Variants in FAM53B observed in about 807,000 individuals in gnomAD.
FAM53B encodes family with sequence similarity 53 member B, also known as protein FAM53B.
A neutral mutation model predicts 32.7 loss-of-function variants in FAM53B; 12 were observed. The ratio of observed to expected loss-of-function variants is 0.37; its 90% confidence interval spans 0.24 to 0.59. The LOEUF (loss-of-function observed/expected upper bound fraction) is 0.59, where lower values mean the gene tolerates loss of function less well. FAM53B is among the 20% of genes least tolerant of loss of function. The pLI is 0.72. For synonymous variants in FAM53B, 234 were observed against 228.7 expected (o/e 1.02, Z -0.21); for missense variants, 477 against 577.7 (o/e 0.83, Z 1.79).
intron 2 of FAM53B, among the ~76,000 whole-genome samples, chr10:124,699,559 C>A (rs911095200): frequency 6.6e-6 from 1 of 152,240 alleles, no homozygotes; most frequent in African/African-American, 2.4e-5. Flanking sequence ...CATTTCCCCA[C>A]CCCGGGCAAG....
rs1338186060 is a variant in FAM53B, at chr10:124,733,423, TTGAGAACACTAG to T, written c.-175+10578_-175+10589del. Among the ~76,000 whole-genome samples, 9 of 152,116 alleles carry T rather than the reference TTGAGAACACTAG, an allele frequency of 5.9e-5. No homozygotes were observed. The highest frequency in any genetic ancestry group is 1.3e-4 in the Non-Finnish European group (9 of 68,016). On this transcript the variant is annotated intron_variant, in intron 1 of 4. Transcript: ENST00000337318. The surrounding 1 kb of genome is among the most constrained non-coding windows in gnomAD (Gnocchi z 4.3). ...CTGTGTCAGCAGCTTCCCCCTGCCT[TTGAGAACACTAG>T]TGAGAACAGGCTATGACAGAGCCCA...
At chr10:124,635,744 C>T (rs577999694) in intron 4 of FAM53B, among the ~76,000 whole-genome samples, 7 of 152,254 alleles carry the variant, frequency 4.6e-5, no homozygotes, top group African/African-American at 1.4e-4. Context: ...GACTCATGCA[C>T]GTGAAATTCA....
Position 124,653,680 on chromosome 10 carries a change from T to C in FAM53B, c.906+27927A>G, listed in dbSNP as rs551593531. Among the ~76,000 whole-genome samples the C allele has an allele frequency of 3.3e-5, 5 of 152,304 alleles. No individual in the cohort carries two copies. In the East Asian group the frequency reaches 7.7e-4, roughly 24 times the overall value. ...CTCAGGGTAACCTTGGCCAGGACCC[T>C]CCCAGTCTCAGCCTCGCTTTCCTTG... On this transcript the variant is annotated intron_variant, in intron 4 of 4. Coordinates refer to ENST00000337318, the MANE Select transcript of FAM53B (RefSeq NM_014661.4).
intron 4 of FAM53B, among the ~76,000 whole-genome samples, chr10:124,640,913 C>T (rs763167904): frequency 6.6e-6 from 1 of 152,240 alleles, no homozygotes; most frequent in Non-Finnish European, 1.5e-5. Flanking sequence ...GAGGGCACGC[C>T]CCGCTGACCC....
intron 3 of FAM53B, among the ~76,000 whole-genome samples, chr10:124,686,895 C>T (rs1233107621): frequency 6.6e-6 from 1 of 152,258 alleles, no homozygotes; most frequent in Non-Finnish European, 1.5e-5. Context: ...CTACCTGGGC[C>T]ATGTGGCCAT....
At chr10:124,698,772 A>C (rs1221482961) in intron 2 of FAM53B, among the ~76,000 whole-genome samples, 3 of 150,636 alleles carry the variant, frequency 2.0e-5, no homozygotes, top group South Asian at 2.1e-4. Flanking sequence ...CCCATTCCCC[A>C]CCCTCCATCC....
At chr10:124,714,776 A>AG (rs1554910411) in intron 1 of FAM53B, among the ~76,000 whole-genome samples, 1 of 151,522 alleles carries the variant, frequency 6.6e-6, no homozygotes, top group African/African-American at 2.4e-5. Flanking sequence ...AAAAAAAAAA[A>AG]AAAGAAAACC....
At chr10:124,736,070 C>A (rs1950171585) in intron 1 of FAM53B, among the ~76,000 whole-genome samples, 1 of 152,258 alleles carries the variant, frequency 6.6e-6, no homozygotes, top group African/African-American at 2.4e-5. Context: ...CAGCAGAACC[C>A]CTGCCTGCCC....
At chr10:124,623,705 G>T in intron 4 of FAM53B, 101 bp from the exon 5 acceptor site, 1 of 1,362,272 alleles carries the variant, frequency 7.3e-7, no homozygotes. Context: ...GCTGTGGCAA[G>T]ACCAATCAAG....
rs777628458 is a variant in FAM53B at position 124,733,224 on chromosome 10, G to T, written c.-175+10789C>A. Among the ~76,000 whole-genome samples, 1 of 152,144 alleles carries T rather than the reference G, an allele frequency of 6.6e-6. No homozygotes were observed. The highest frequency in any genetic ancestry group is 2.4e-5 in the African/African-American group (1 of 41,432). ...AAGATGGGCTGCTAACTGCAGTTCCGCCTCCACCTCTGCACAGGTTCAGTA... is the reference window on the plus strand; with the variant it reads ...AAGATGGGCTGCTAACTGCAGTTCCTCCTCCACCTCTGCACAGGTTCAGTA... On this transcript the variant is annotated intron_variant, in intron 1 of 4. Transcript: ENST00000337318. The surrounding 1 kb of genome is among the most constrained non-coding windows in gnomAD (Gnocchi z 4.3).
chr10:124,628,150 CAT>C (rs1326511140), intron 4 of FAM53B, among the ~76,000 whole-genome samples: 4 of 152,318 alleles, frequency 2.6e-5, no homozygotes, highest in South Asian at 2.1e-4. Context: ...AACTAAACCA[CAT>C]GTTTTATCAG....
intron 4 of FAM53B, among the ~76,000 whole-genome samples, chr10:124,644,965 C>A (rs1949502317): frequency 6.6e-6 from 1 of 152,180 alleles, no homozygotes. Context: ...TTGCTCTCCC[C>A]CTGAATGCCA....
At chr10:124,623,895 CAG>C (rs1821571699) in intron 4 of FAM53B, 3 of 410,376 alleles carry the variant, frequency 7.3e-6, no homozygotes, top group African/African-American at 6.2e-5. Context: ...TGCGGTGAAA[CAG>C]GAATGCTCCT....
intron 4 of FAM53B, among the ~76,000 whole-genome samples, chr10:124,635,968 G>A (rs1564863180): frequency 6.6e-6 from 1 of 152,206 alleles, no homozygotes; most frequent in Non-Finnish European, 1.5e-5. Context: ...GTAAAAAGGA[G>A]CACAAGAAAC....
intron 4 of FAM53B, among the ~76,000 whole-genome samples, chr10:124,677,967 T>C (rs957561442): frequency 2.6e-5 from 4 of 152,192 alleles, no homozygotes; most frequent in African/African-American, 4.8e-5. Context: ...CCGAGTTGAC[T>C]ACAGGCTGAG....
intron 1 of FAM53B, among the ~76,000 whole-genome samples, chr10:124,729,951 A>C (rs1950130190): frequency 6.6e-6 from 1 of 152,232 alleles, no homozygotes; most frequent in Non-Finnish European, 1.5e-5. Flanking sequence ...TTATGGACCA[A>C]GCAAGACAAG....
At chr10:124,689,675 G>A (rs770864991) in intron 3 of FAM53B, among the ~76,000 whole-genome samples, 16 of 152,372 alleles carry the variant, frequency 1.1e-4, no homozygotes, top group Admixed American at 4.6e-4. Flanking sequence ...GACAAAGATC[G>A]GGGTTCAGAG....
At position 124,682,459 on chromosome 10, in the gene FAM53B, C is replaced by T. The variant is rs1184465514; in HGVS notation, c.134-80G>A. The T allele has an allele frequency of 7.9e-7, 1 of 1,263,222 alleles. No individual in the cohort carries two copies. The allele number at this position is 1,263,222 out of a possible 1,614,324, so 78.3% of individuals were successfully genotyped here. ...CCTTTATTATCTCCACACCAACAGC[C>T]CGTTTCAAACACAGTATCTTAGAGC... On this transcript the variant is annotated intron_variant, in intron 3 of 4. Transcript: ENST00000337318. This position sits in a 1 kb window ranked among gnomAD's most constrained non-coding sequence, Gnocchi z 5.2.
At chr10:124,714,776 A>C (rs112235807) in intron 1 of FAM53B, among the ~76,000 whole-genome samples, 6,473 of 151,488 alleles carry the variant, frequency 0.043, 212 homozygotes, top group East Asian at 0.12. Context: ...AAAAAAAAAA[A>C]AAAGAAAACC....
Sources: allele counts gnomAD v4.1 joint callset (sites outside exome capture counted in the v4.1 genomes callset), GRCh38; gene constraint gnomAD v4.1.1; non-coding constraint Gnocchi (gnomAD v3.1); transcripts MANE v1.5; gene names NCBI Gene and HGNC (gene_info 2026-07-23, HGNC 2026-07-21).